Variants in VPS13B observed in about 807,000 individuals in gnomAD.
VPS13B encodes vacuolar protein sorting 13 homolog B, also known as intermembrane lipid transfer protein VPS13B.
A neutral mutation model predicts 426.4 loss-of-function variants in VPS13B; 285 were observed. The ratio of observed to expected loss-of-function variants is 0.67; its 90% CI spans 0.61 to 0.74. The LOEUF (loss-of-function observed/expected upper bound fraction) is 0.74. Ranked by LOEUF, VPS13B falls within the 30% of genes least tolerant of loss-of-function variation. The pLI is 0.00. For synonymous variants in VPS13B, 1,676 were observed against 1,676.4 expected (o/e 1.00, Z 0.01); for missense variants, 4,537 against 4,782.6 (o/e 0.95, Z 1.51).
intron 2 of VPS13B, among the ~76,000 whole-genome samples, chr8:99,028,336 A>G (rs1358052236): frequency 7.0e-5 from 10 of 143,542 alleles, no homozygotes; most frequent in East Asian, 2.2e-4. Flanking sequence ...CTGGCCGGGC[A>G]GGGGGCTGAC....
At chr8:99,516,464 G>A (rs1252477158) in intron 29 of VPS13B, among the ~76,000 whole-genome samples, 3 of 152,090 alleles carry the variant, frequency 2.0e-5, no homozygotes, top group Admixed American at 2.0e-4. Flanking sequence ...TTACAAGAAA[G>A]TTTGAATAAG....
intron 39 of VPS13B, among the ~76,000 whole-genome samples, chr8:99,745,126 C>G (rs1220495801): frequency 1.3e-5 from 2 of 151,790 alleles, no homozygotes; most frequent in Non-Finnish European, 2.9e-5. Flanking sequence ...CAAATTTGGC[C>G]TTTTCTAAGT....
At chr8:99,871,383 G>A in intron 60 of VPS13B, 65 bp from the exon 61 acceptor site, 1 of 1,611,450 alleles carries the variant, frequency 6.2e-7, no homozygotes, top group Non-Finnish European at 8.5e-7. Context: ...GGTAAATAAT[G>A]AGCACTGATA....
At chr8:99,837,761 T>C (rs1342971513) in intron 54 of VPS13B, among the ~76,000 whole-genome samples, 1 of 152,178 alleles carries the variant, frequency 6.6e-6, no homozygotes, top group Non-Finnish European at 1.5e-5. Flanking sequence ...TCCCAGGGCA[T>C]ATAAATCACT....
At chr8:99,809,650 C>A in intron 44 of VPS13B, 120 bp downstream of exon 44, 1 of 1,181,714 alleles carries the variant, frequency 8.5e-7, no homozygotes. Flanking sequence ...CTACTACTAC[C>A]ATGCATGTGA....
intron 39 of VPS13B, among the ~76,000 whole-genome samples, chr8:99,748,931 T>C (rs1349153534): frequency 6.6e-6 from 1 of 152,050 alleles, no homozygotes; most frequent in Non-Finnish European, 1.5e-5. Context: ...TCCTCCTTCC[T>C]AGTGGAGGAA....
At chr8:99,489,686 A>G (rs1820498358) in intron 25 of VPS13B, among the ~76,000 whole-genome samples, 1 of 152,162 alleles carries the variant, frequency 6.6e-6, no homozygotes, top group Non-Finnish European at 1.5e-5. Flanking sequence ...GAGTTCACTC[A>G]TGATTTGGCT....
Position 99,442,650 on chromosome 8 carries a change from T to G in VPS13B, c.3445+15T>G. On this transcript the variant is annotated intron_variant, in intron 23 of 61. Transcript: ENST00000357162. ...CCTTGAAGAAGGTATATGTTAACAT[T>G]TTTTTCCTATGGTTAATGTTTTATA... 6.2e-7 allele frequency: 1 copy of G among 1,610,052 alleles called. No homozygotes were observed.
chr8:99,507,648 T>C, intron 28 of VPS13B: 1 of 1,483,986 alleles, frequency 6.7e-7, no homozygotes, highest in Non-Finnish European at 9.2e-7. Flanking sequence ...TACCTAGCGG[T>C]TGCTCAAACC....
intron 43 of VPS13B, among the ~76,000 whole-genome samples, chr8:99,794,564 C>T (rs2130738321): frequency 6.6e-6 from 1 of 152,326 alleles, no homozygotes. Context: ...GCTCCAGCCT[C>T]TGAGTCACCC....
chr8:99,385,950 A>T (rs899549528), intron 20 of VPS13B, among the ~76,000 whole-genome samples: 1 of 152,266 alleles, frequency 6.6e-6, no homozygotes, highest in African/African-American at 2.4e-5. Flanking sequence ...CTGAAAAAAA[A>T]TTTTGAATTT....
At chr8:99,823,095 A>G (rs570452118) in intron 50 of VPS13B, among the ~76,000 whole-genome samples, 2 of 152,276 alleles carry the variant, frequency 1.3e-5, no homozygotes, top group East Asian at 3.9e-4. Flanking sequence ...ACATAACATG[A>G]TAAGGTAATG....
chr8:99,765,044 G>A (rs553391620), intron 39 of VPS13B, among the ~76,000 whole-genome samples: 2 of 152,144 alleles, frequency 1.3e-5, no homozygotes, highest in South Asian at 2.1e-4. Flanking sequence ...TCAGGAGTTC[G>A]AGACCAGCCT....
At chr8:99,495,512 A>T (rs756395525) in intron 25 of VPS13B, among the ~76,000 whole-genome samples, 7 of 151,992 alleles carry the variant, frequency 4.6e-5, no homozygotes, top group Non-Finnish European at 7.4e-5. Flanking sequence ...GTGTTGGGTG[A>T]TTCTCATCAA....
chr8:99,355,796 CAATATT>C (rs1476593697), intron 19 of VPS13B, among the ~76,000 whole-genome samples: 4 of 152,120 alleles, frequency 2.6e-5, no homozygotes, highest in South Asian at 2.1e-4. Flanking sequence ...TGTGACCACT[CAATATT>C]AATATGTCAT....
chr8:99,135,257 T>C, intron 10 of VPS13B, 120 bp downstream of exon 10: 1 of 1,407,472 alleles, frequency 7.1e-7, no homozygotes, highest in South Asian at 1.3e-5. Flanking sequence ...AGAGAGGAGC[T>C]TTACTATTTC....
chr8:99,532,883 A>G (rs1451755826), intron 30 of VPS13B, among the ~76,000 whole-genome samples: 3 of 151,334 alleles, frequency 2.0e-5, no homozygotes, highest in African/African-American at 7.3e-5. Flanking sequence ...AGTTTTTTTA[A>G]AATTAATCTA....
chr8:99,073,937 AT>A (rs1396409878), intron 3 of VPS13B, among the ~76,000 whole-genome samples: 2 of 151,310 alleles, frequency 1.3e-5, no homozygotes, highest in East Asian at 3.9e-4. Flanking sequence ...GGCCTGGCTA[AT>A]TTTTTTATTT....
chr8:99,072,373 T>A (rs1377257818), intron 3 of VPS13B, among the ~76,000 whole-genome samples: 5 of 152,182 alleles, frequency 3.3e-5, no homozygotes, highest in African/African-American at 1.2e-4. Context: ...AGCAATGTTA[T>A]CTGGCAGCTA....
Sources: allele counts gnomAD v4.1 joint callset (sites outside exome capture counted in the v4.1 genomes callset), GRCh38; gene constraint gnomAD v4.1.1; transcripts MANE v1.5; gene names NCBI Gene and HGNC (gene_info 2026-07-23, HGNC 2026-07-21).